Variants in LIN54 observed in about 807,000 individuals in gnomAD.
The protein encoded by LIN54 is lin-54 DREAM MuvB core complex component.
In LIN54, 9 loss-of-function variants were observed where a neutral mutation model predicts 78.7. The observed-to-expected ratio is 0.11, with a 90% CI of 0.07 to 0.20. LIN54 has a LOEUF of 0.20. Ranked by LOEUF, LIN54 falls within the 10% of genes least tolerant of loss-of-function variation. The pLI is 1.00. For synonymous variants in LIN54, 269 were observed against 318.4 expected, an observed-to-expected ratio of 0.84 and a Z score of 1.65; for missense variants, 573 against 889.9, an observed-to-expected ratio of 0.64 and a Z score of 4.53.
At chr4:83,009,169 C>A (rs1219689155) in intron 1 of LIN54, among the ~76,000 whole-genome samples, 3 of 152,078 alleles carry the variant, frequency 2.0e-5, no homozygotes, top group Non-Finnish European at 4.4e-5. Flanking sequence ...AAAGCCAGAC[C>A]TACAAACTAT....
intron 4 of LIN54, among the ~76,000 whole-genome samples, chr4:82,962,057 C>G (rs6811313): frequency 1.2e-3 from 190 of 152,126 alleles, no homozygotes; most frequent in Admixed American, 2.2e-3. Context: ...AAGACTTTTA[C>G]GAATGGGAAA....
intron 1 of LIN54, among the ~76,000 whole-genome samples, chr4:82,985,960 T>C (rs1578614310): frequency 6.6e-6 from 1 of 152,380 alleles, no homozygotes; most frequent in East Asian, 1.9e-4. Flanking sequence ...GTGGTACTTT[T>C]AGCCAAAGGT....
rs1726394900 is a variant in LIN54 at position 82,978,982 on chromosome 4, T to C, written c.709A>G (p.Thr237Ala). The C allele has an allele frequency of 3.1e-6, 5 of 1,591,168 alleles. No individual in the cohort carries two copies. The highest frequency in any genetic ancestry group is 2.3e-5 in the South Asian group (2 of 88,072). Residue 237 changes from threonine (T) to alanine (A), a missense_variant, in exon 3 of 13, where the codon ACC (threonine) becomes GCC (alanine). By Grantham distance (58) the Thr-to-Ala change is moderately conservative. Around this residue, in one of 6 missense-constraint regions of LIN54, gnomAD observed 199 missense variants for 260.9 expected, o/e 0.76. Transcript: ENST00000340417. Reference sequence around the variant, plus strand: ...AGCTTCGTGATTACTGGACCAGAGGTTGGCGTTCGAGGCTTCTTAGCAATC... The same window carrying C: ...AGCTTCGTGATTACTGGACCAGAGGCTGGCGTTCGAGGCTTCTTAGCAATC... ...VQIAKKPRTP[T>A]SGPVITKLIF...
At chr4:82,981,316 A>G (rs1726615003) in intron 2 of LIN54, among the ~76,000 whole-genome samples, 1 of 152,196 alleles carries the variant, frequency 6.6e-6, no homozygotes, top group Non-Finnish European at 1.5e-5. Flanking sequence ...AAGTGTTTAT[A>G]TATCTGTTAT....
chr4:82,974,163 TCG>T (rs1725938873), intron 3 of LIN54, among the ~76,000 whole-genome samples: 1 of 150,692 alleles, frequency 6.6e-6, no homozygotes, highest in Non-Finnish European at 1.5e-5. Flanking sequence ...TGAGCCGAGA[TCG>T]CACCACTGCA....
At chr4:82,966,098 G>A (rs1262987401) in intron 4 of LIN54, among the ~76,000 whole-genome samples, 1 of 151,786 alleles carries the variant, frequency 6.6e-6, no homozygotes, top group African/African-American at 2.4e-5. Context: ...GTATTTTATG[G>A]TTCAGTCCTG....
At chr4:82,948,746 AC>A (rs1723608263) in intron 4 of LIN54, among the ~76,000 whole-genome samples, 1 of 13,952 alleles carries the variant, frequency 7.2e-5, no homozygotes, top group Non-Finnish European at 8.5e-4. Flanking sequence ...TGTATATTTG[AC>A]CATTTTTTTC....
At position 82,984,674 on chromosome 4, in the gene LIN54, T is replaced by C; in HGVS notation, c.171A>G (p.Thr57=). The C allele has an allele frequency of 6.2e-7, 1 of 1,614,234 alleles. No individual in the cohort carries two copies. The highest frequency in any genetic ancestry group is 2.2e-5 in the East Asian group (1 of 44,884). ...IVNINSTGDS[T]ATPISTEPIT... ...TTGGTTCCGTGGAAATGGGCGTGGCTGTAGAGTCACCAGTAGAATTTATGT... is the reference window on the plus strand; with the variant it reads ...TTGGTTCCGTGGAAATGGGCGTGGCCGTAGAGTCACCAGTAGAATTTATGT... The change falls in exon 2 of 13, where the codon ACA becomes ACG. Residue 57 remains threonine, a synonymous_variant. Coordinates refer to ENST00000340417, the MANE Select transcript of LIN54 (RefSeq NM_194282.4).
At chr4:82,964,280 A>G (rs1578558783) in intron 4 of LIN54, among the ~76,000 whole-genome samples, 1 of 152,010 alleles carries the variant, frequency 6.6e-6, no homozygotes, top group African/African-American at 2.4e-5. Flanking sequence ...CAAACTCCTA[A>G]CCTCAAATGA....
intron 4 of LIN54, among the ~76,000 whole-genome samples, chr4:82,962,590 G>T (rs1319796577): frequency 6.6e-6 from 1 of 151,834 alleles, no homozygotes; most frequent in African/African-American, 2.4e-5. Context: ...TCAGCAGAGA[G>T]ATGGGAACTC....
At chr4:82,941,959 C>T (rs1416249863) in intron 5 of LIN54, among the ~76,000 whole-genome samples, 1 of 152,160 alleles carries the variant, frequency 6.6e-6, no homozygotes, top group African/African-American at 2.4e-5. Context: ...AAACTGCCTA[C>T]TGCCATTTCC....
chr4:82,955,648 G>A (rs185208881), intron 4 of LIN54, among the ~76,000 whole-genome samples: 3 of 152,110 alleles, frequency 2.0e-5, no homozygotes, highest in East Asian at 1.9e-4. Context: ...AGCTAGGCAT[G>A]GTGGCTCATG....
At chr4:82,949,467 A>G (rs1213024232) in intron 4 of LIN54, among the ~76,000 whole-genome samples, 2 of 151,912 alleles carry the variant, frequency 1.3e-5, no homozygotes, top group Non-Finnish European at 2.9e-5. Flanking sequence ...TGCCATCTCC[A>G]CTCATTGCAA....
chr4:82,958,074 A>G (rs778336857), intron 4 of LIN54, among the ~76,000 whole-genome samples: 21 of 152,232 alleles, frequency 1.4e-4, no homozygotes, highest in African/African-American at 4.1e-4. Context: ...AAGCTGTTCA[A>G]CGTAAGCACA....
chr4:83,004,529 C>T (rs781093193), intron 1 of LIN54, among the ~76,000 whole-genome samples: 11 of 152,044 alleles, frequency 7.2e-5, no homozygotes, highest in Non-Finnish European at 1.6e-4. Flanking sequence ...CTTGCTCTGT[C>T]GTCAGGCTAG....
intron 1 of LIN54, among the ~76,000 whole-genome samples, chr4:83,007,663 A>T (rs1254279421): frequency 6.6e-6 from 1 of 152,026 alleles, no homozygotes; most frequent in East Asian, 1.9e-4. Context: ...TGAGGCAGGT[A>T]GATCGCCTGA....
At chr4:82,949,756 T>C (rs1361812406) in intron 4 of LIN54, among the ~76,000 whole-genome samples, 1 of 152,144 alleles carries the variant, frequency 6.6e-6, no homozygotes, top group Non-Finnish European at 1.5e-5. Context: ...TGCAAATGTC[T>C]TTTCCTCAAT....
intron 3 of LIN54, among the ~76,000 whole-genome samples, chr4:82,972,255 G>C (rs1202231894): frequency 6.6e-6 from 1 of 151,690 alleles, no homozygotes; most frequent in Non-Finnish European, 1.5e-5. Context: ...ATGGAGTTTT[G>C]TCATGTTGCC....
chr4:82,979,347 T>C (rs908719118), intron 2 of LIN54, among the ~76,000 whole-genome samples: 5 of 152,164 alleles, frequency 3.3e-5, no homozygotes, highest in Non-Finnish European at 7.4e-5. Context: ...AATAACAAAT[T>C]ACTCAATAAT....
Sources: allele counts gnomAD v4.1 joint callset (sites outside exome capture counted in the v4.1 genomes callset), GRCh38; gene constraint gnomAD v4.1.1; regional missense constraint gnomAD v4.1.1; transcripts MANE v1.5; gene names NCBI Gene and HGNC (gene_info 2026-07-23, HGNC 2026-07-21).